The following C1orf53 variants were observed in gnomAD, a reference collection of about 807,000 sequenced individuals.
C1orf53 encodes the protein uncharacterized protein C1orf53.
A neutral mutation model predicts 17.5 loss-of-function variants in C1orf53; 23 were observed. The observed-to-expected ratio is 1.31, with a 90% CI of 0.94 to 1.86. The LOEUF (loss-of-function observed/expected upper bound fraction) is 1.86, where lower values mean the gene tolerates loss of function less well. C1orf53 is among the 40% of genes most tolerant of loss of function. The probability of loss-of-function intolerance (pLI) is 0.00; values close to 1 mark genes in which losing one functional copy is unlikely to be tolerated. For synonymous variants in C1orf53, 108 were observed against 81.9 expected (o/e 1.32, Z -1.72); for missense variants, 255 against 193.2 (o/e 1.32, Z -1.89).
intron 1 of C1orf53, among the ~76,000 whole-genome samples, chr1:197,904,251 A>C (rs1164555201): frequency 6.6e-6 from 1 of 152,186 alleles, no homozygotes; most frequent in East Asian, 1.9e-4. Flanking sequence ...CTTGCTCTCC[A>C]GTCAAACTGT....
chr1:197,903,235 A>C (rs181632600), intron 1 of C1orf53, among the ~76,000 whole-genome samples: 230 of 152,310 alleles, frequency 1.5e-3, no homozygotes, highest in African/African-American at 5.4e-3. Flanking sequence ...GGGGGTGTTA[A>C]GGAATTGATG....
At chr1:197,906,398 G>A (rs1659524781) in intron 2 of C1orf53, among the ~76,000 whole-genome samples, 2 of 141,098 alleles carry the variant, frequency 1.4e-5, no homozygotes, top group African/African-American at 2.7e-5. Flanking sequence ...CTCTCATTCT[G>A]TTCCCCACCC....
intron 1 of C1orf53, among the ~76,000 whole-genome samples, chr1:197,905,028 A>G (rs1273330749): frequency 6.6e-6 from 1 of 152,202 alleles, no homozygotes; most frequent in Non-Finnish European, 1.5e-5. Flanking sequence ...CCAAAGACCC[A>G]AATCCACAGA....
At position 197,902,784 on chromosome 1, in the gene C1orf53, C is replaced by T; in HGVS notation, c.135C>T (p.Asn45=). The T allele has an allele frequency of 5.1e-6, 8 of 1,581,348 alleles. No individual in the cohort carries two copies. Among genetic ancestry groups the T allele is most frequent in the Non-Finnish European group, 6.8e-6 (8 of 1,170,816 alleles). The change falls in exon 1 of 3, where the codon AAC becomes AAT. Residue 45 remains asparagine (N), a synonymous_variant. Coordinates refer to ENST00000367393, the MANE Select transcript of C1orf53 (RefSeq NM_001024594.3). ...TCAGCTTAACCCTCTGCCCTGCTAA[C>T]GAGGGAAACTGCGGCGGCTCCGCGC... ...QQLSLTLCPA[N]EGNCGGSAPS...
intron 1 of C1orf53, among the ~76,000 whole-genome samples, chr1:197,904,446 G>A (rs1319496926): frequency 6.6e-6 from 1 of 152,206 alleles, no homozygotes; most frequent in Non-Finnish European, 1.5e-5. Flanking sequence ...ATTGCCCTCA[G>A]AAGACTCCCA....
In C1orf53 at chr1:197,906,315, T is replaced by G. The variant is rs142701700; in HGVS notation, c.366+418T>G. ...CATTGAGAGGTAGGTTTCCTTCAGA[T>G]AATGATTTTTTCTTTTCTTCTTTCC... On this transcript the variant is annotated intron_variant, in intron 2 of 2. Coordinates refer to ENST00000367393, the MANE Select transcript of C1orf53 (RefSeq NM_001024594.3). 1.1e-4 allele frequency among the ~76,000 whole-genome samples: 17 copies of G among 152,246 alleles called. No homozygotes were observed. In the East Asian group the frequency reaches 3.1e-3, roughly 28 times the overall value.
Position 197,905,821 on chromosome 1 carries a change from C to T in C1orf53, c.290C>T (p.Pro97Leu), listed in dbSNP as rs768588490. 2 of 1,613,668 alleles carry T rather than the reference C, an allele frequency of 1.2e-6. No individual in the cohort carries two copies. Among genetic ancestry groups the T allele is most frequent in the South Asian group, 1.1e-5 (1 of 91,062 alleles). ...GCTGGCCAGCTAAACTATGTGGATC[C>T]AGCTACTGGCTATGTGGTGCTCACA... ...CAAGQLNYVD[P>L]ATGYVVLTQI... Residue 97 changes from proline to leucine, a missense_variant, in exon 2 of 3, where the codon CCA becomes CTA. By Grantham distance (98) the Pro-to-Leu change is moderately conservative. Coordinates refer to ENST00000367393, the MANE Select transcript of C1orf53 (RefSeq NM_001024594.3).
At chr1:197,904,290 G>T (rs548704557) in intron 1 of C1orf53, among the ~76,000 whole-genome samples, 1 of 152,238 alleles carries the variant, frequency 6.6e-6, no homozygotes, top group South Asian at 2.1e-4. Flanking sequence ...TTTGTCTGTG[G>T]CCACCATTAC....
chr1:197,905,267 G>A (rs1204286863), intron 1 of C1orf53, among the ~76,000 whole-genome samples: 1 of 151,828 alleles, frequency 6.6e-6, no homozygotes, highest in Non-Finnish European at 1.5e-5. Context: ...AGTATAAAAT[G>A]TGCAATGAAG....
At chr1:197,905,387 A>G (rs530718200) in intron 1 of C1orf53, 2 of 154,276 alleles carry the variant, frequency 1.3e-5, no homozygotes, top group Non-Finnish European at 2.9e-5. Context: ...CATTATCCAC[A>G]TATTTTAAGT....
In C1orf53 at chr1:197,902,752, C is replaced by G. The variant is rs774479846; in HGVS notation, c.103C>G (p.Gln35Glu). The G allele has an allele frequency of 3.2e-6, 5 of 1,573,124 alleles. No individual in the cohort carries two copies. In the African/African-American group the frequency reaches 5.6e-5, roughly 17 times the overall value. Residue 35 changes from glutamine (Q) to glutamate (E), a missense_variant, in exon 1 of 3, where the codon CAG becomes GAG. By Grantham distance (29) the Gln-to-Glu change is conservative. Coordinates refer to ENST00000367393, the MANE Select transcript of C1orf53 (RefSeq NM_001024594.3). Reference sequence around the variant, plus strand: ...TCTCTGGGTAAGAGCTGGGTTCCGACAGCAGCTCAGCTTAACCCTCTGCCC... The same window carrying G: ...TCTCTGGGTAAGAGCTGGGTTCCGAGAGCAGCTCAGCTTAACCCTCTGCCC... Reference protein sequence around the residue: ...APLWVRAGFRQQLSLTLCPAN... With the variant: ...APLWVRAGFREQLSLTLCPAN...
rs998856150 is a variant in C1orf53, at chr1:197,907,312, C to G, written c.*92C>G. ...TTGCTGGATTATTAGTACTTGAACA[C>G]TAGTTTAATCCTAAATACATATATT... On this transcript the variant is annotated 3_prime_UTR_variant, in exon 3 of 3. Transcript: ENST00000367393. 8.0e-6 allele frequency: 5 copies of G among 626,428 alleles called. No homozygotes were observed. Among genetic ancestry groups the G allele is most frequent in the Non-Finnish European group, 1.1e-5 (4 of 359,370 alleles). 38.8% of individuals were successfully genotyped at this position (626,428 alleles called of 1,614,324 possible).
Position 197,902,871 on chromosome 1 carries a change from G to T in C1orf53, c.222G>T (p.Ala74=). Residue 74 remains alanine (A), a synonymous_variant, in exon 1 of 3, where the codon GCG becomes GCT. Coordinates refer to ENST00000367393, the MANE Select transcript of C1orf53 (RefSeq NM_001024594.3). ...ARPSVSEELT[A]AERQIAELHA... Reference sequence around the variant, plus strand: ...CTTCGGTGAGCGAAGAGTTAACCGCGGCGGAGCGACAGATCGCGGAGCTGC... The same window carrying T: ...CTTCGGTGAGCGAAGAGTTAACCGCTGCGGAGCGACAGATCGCGGAGCTGC... 1 of 1,519,420 alleles carries T rather than the reference G, an allele frequency of 6.6e-7. No homozygotes were observed. Among genetic ancestry groups the T allele is most frequent in the Non-Finnish European group, 8.8e-7 (1 of 1,139,298 alleles). The allele number at this position is 1,519,420 out of a possible 1,614,324, so 94.1% of individuals were successfully genotyped here.
intron 2 of C1orf53, among the ~76,000 whole-genome samples, chr1:197,906,546 A>G (rs1659526616): frequency 6.6e-6 from 1 of 152,138 alleles, no homozygotes; most frequent in Admixed American, 6.6e-5. Context: ...ATACCTCTCT[A>G]TGTTCACTAA....
chr1:197,905,928 G>C, intron 2 of C1orf53, 31 bp downstream of exon 2: 2 of 1,477,748 alleles, frequency 1.4e-6, no homozygotes, highest in Non-Finnish European at 1.9e-6. Flanking sequence ...TACAGCAGCA[G>C]TTTGCGGTGC....
In C1orf53 at chr1:197,907,209, T is replaced by G; in HGVS notation, c.427T>G (p.Phe143Val). The G allele has an allele frequency of 6.4e-7, 1 of 1,573,542 alleles. No homozygotes were observed. Among genetic ancestry groups the G allele is most frequent in the Non-Finnish European group, 8.7e-7 (1 of 1,148,994 alleles). ...PSKKKQFNSYFYV is the reference protein window; with the variant it reads ...PSKKKQFNSYVYV ...TAAAAAGAAGCAATTCAATTCATAT[T>G]TTTATGTTTGACAAGAATTTCATCT... Residue 143 changes from phenylalanine to valine, a missense_variant, in exon 3 of 3, where the codon TTT becomes GTT. Physicochemically the swap from Phe to Val is conservative, Grantham distance 50. Coordinates refer to ENST00000367393, the MANE Select transcript of C1orf53 (RefSeq NM_001024594.3).
At chr1:197,905,356 G>A (rs1004671823) in intron 1 of C1orf53, among the ~76,000 whole-genome samples, 4 of 152,090 alleles carry the variant, frequency 2.6e-5, no homozygotes, top group Non-Finnish European at 2.9e-5. Flanking sequence ...TTTGATTAGC[G>A]CCTTTTCTGT....
chr1:197,903,014 G>A (rs1053736491), intron 1 of C1orf53, 101 bp downstream of exon 1: 16 of 1,135,394 alleles, frequency 1.4e-5, no homozygotes, highest in Admixed American at 8.6e-5. Flanking sequence ...GCCCGGCAGA[G>A]GCAAAGGTTG....
chr1:197,904,378 A>C (rs1001201315), intron 1 of C1orf53, among the ~76,000 whole-genome samples: 3 of 152,194 alleles, frequency 2.0e-5, no homozygotes, highest in African/African-American at 7.2e-5. Flanking sequence ...CAACATGGAA[A>C]GCTGTAGAGC....
Sources: gnomAD v4.1 joint callset for allele counts (sites outside exome capture counted in the v4.1 genomes callset) on GRCh38, gnomAD v4.1.1 for gene constraint, MANE v1.5 for transcripts, NCBI Gene and HGNC (gene_info 2026-07-23, HGNC 2026-07-21) for gene names.